EDIL3: variants seen among roughly 807,000 people sequenced by gnomAD.
The protein encoded by EDIL3 is EGF-like repeat and discoidin I-like domain-containing protein 3.
EDIL3 carries 37 observed loss-of-function variants against 67.4 expected under a neutral mutation model. The observed-to-expected ratio is 0.55, with a 90% CI of 0.42 to 0.72. The LOEUF (loss-of-function observed/expected upper bound fraction) is 0.72, where lower values mean the gene tolerates loss of function less well. EDIL3 is among the 30% of genes least tolerant of loss of function. EDIL3 has a pLI of 0.00. For missense variants in EDIL3, 527 were observed against 586.3 expected (o/e 0.90, Z 1.04); for synonymous variants, 195 against 196.3 (o/e 0.99, Z 0.05).
chr5:84,069,732 C>T (rs1037644381), intron 6 of EDIL3, among the ~76,000 whole-genome samples: 23 of 152,068 alleles, frequency 1.5e-4, no homozygotes, highest in Admixed American at 5.2e-4. Flanking sequence ...CCCTGGCGAG[C>T]GTTCCACCCT....
intron 9 of EDIL3, among the ~76,000 whole-genome samples, chr5:83,967,981 A>G (rs536496444): frequency 6.6e-6 from 1 of 152,202 alleles, no homozygotes; most frequent in East Asian, 1.9e-4. Flanking sequence ...AACGGAAATG[A>G]CTTTGAAGCT....
chr5:84,178,650 G>A (rs1026345760), intron 4 of EDIL3, among the ~76,000 whole-genome samples: 3 of 152,122 alleles, frequency 2.0e-5, no homozygotes, highest in Non-Finnish European at 1.5e-5. Context: ...AAATCACAGA[G>A]AGATCAAATG....
intron 6 of EDIL3, among the ~76,000 whole-genome samples, chr5:84,099,277 A>T (rs1165073120): frequency 6.6e-6 from 1 of 152,134 alleles, no homozygotes; most frequent in Non-Finnish European, 1.5e-5. Context: ...AACCAAAAAA[A>T]GCCTGTATAG....
chr5:84,283,842 A>G (rs750323447), intron 1 of EDIL3, among the ~76,000 whole-genome samples: 4 of 152,140 alleles, frequency 2.6e-5, no homozygotes, highest in Non-Finnish European at 4.4e-5. Context: ...CAAGTTTACT[A>G]TGTTCAAAAT....
At chr5:83,979,710 T>C (rs771856369) in intron 9 of EDIL3, among the ~76,000 whole-genome samples, 6 of 152,124 alleles carry the variant, frequency 3.9e-5, no homozygotes, top group Admixed American at 6.6e-5. Flanking sequence ...GGTAGCTGCA[T>C]AGACATTGCC....
chr5:84,288,411 TA>T (rs1006376906), intron 1 of EDIL3, among the ~76,000 whole-genome samples: 1 of 152,114 alleles, frequency 6.6e-6, no homozygotes, highest in African/African-American at 2.4e-5. Flanking sequence ...GTGATTTTGT[TA>T]AAAAATGTCA....
chr5:84,055,474 A>C (rs1014455121), intron 9 of EDIL3, among the ~76,000 whole-genome samples: 5 of 149,258 alleles, frequency 3.3e-5, no homozygotes, highest in Admixed American at 6.6e-5. Flanking sequence ...TAATTAAACT[A>C]AAGAGCTTCT....
At chr5:84,047,635 A>G (rs1746247163) in intron 9 of EDIL3, 1 of 152,030 alleles carries the variant, frequency 6.6e-6, no homozygotes. Flanking sequence ...TAGACACCAG[A>G]ATTTTACTTG....
chr5:84,149,161 T>C (rs1224388610), intron 4 of EDIL3, among the ~76,000 whole-genome samples: 1 of 151,866 alleles, frequency 6.6e-6, no homozygotes, highest in Non-Finnish European at 1.5e-5. Flanking sequence ...GGCTAGTGTT[T>C]GTAGAACAGA....
chr5:84,008,191 T>C (rs1745459907), intron 9 of EDIL3, among the ~76,000 whole-genome samples: 1 of 151,918 alleles, frequency 6.6e-6, no homozygotes, highest in Non-Finnish European at 1.5e-5. Flanking sequence ...AACATATGGT[T>C]AGAAAGAAGA....
At chr5:84,064,586 C>G in intron 8 of EDIL3, 114 bp downstream of exon 8, 1 of 1,343,818 alleles carries the variant, frequency 7.4e-7, no homozygotes, top group Non-Finnish European at 9.9e-7. Flanking sequence ...AGACATTTTT[C>G]CCCAGAAAAA....
At chr5:84,310,170 T>C (rs1051521872) in intron 1 of EDIL3, among the ~76,000 whole-genome samples, 6 of 146,364 alleles carry the variant, frequency 4.1e-5, no homozygotes, top group African/African-American at 1.5e-4. Flanking sequence ...TAACTGAACC[T>C]TGAAATCTAC....
At chr5:83,956,415 A>G (rs1173462719) in intron 10 of EDIL3, among the ~76,000 whole-genome samples, 2 of 151,710 alleles carry the variant, frequency 1.3e-5, no homozygotes, top group Non-Finnish European at 2.9e-5. Flanking sequence ...ACTGATTCTG[A>G]TAAGTGGGTC....
At chr5:84,363,523 CAA>C (rs1252459651) in intron 1 of EDIL3, among the ~76,000 whole-genome samples, 2 of 150,206 alleles carry the variant, frequency 1.3e-5, no homozygotes, top group Admixed American at 6.6e-5. Flanking sequence ...TTTTTAGAAA[CAA>C]AGTCAAACAT....
At chr5:84,384,225 A>G in intron 1 of EDIL3, 83 bp downstream of exon 1, 1 of 1,494,182 alleles carries the variant, frequency 6.7e-7, no homozygotes, top group Non-Finnish European at 9.0e-7. Flanking sequence ...CGCCGGAGGG[A>G]CCGCCTCCGG....
chr5:84,317,498 A>T (rs1285944549), intron 1 of EDIL3, among the ~76,000 whole-genome samples: 1 of 152,226 alleles, frequency 6.6e-6, no homozygotes, highest in Non-Finnish European at 1.5e-5. Flanking sequence ...ATCTAGAAGA[A>T]ATGGATAAAT....
intron 1 of EDIL3, among the ~76,000 whole-genome samples, chr5:84,344,266 T>C (rs1747191768): frequency 6.6e-6 from 1 of 152,160 alleles, no homozygotes; most frequent in African/African-American, 2.4e-5. Context: ...CCTTTTCATG[T>C]ATTTTATTAT....
intron 5 of EDIL3, among the ~76,000 whole-genome samples, chr5:84,133,464 C>CA (rs5869210): frequency 0.035 from 2,990 of 86,504 alleles, 89 homozygotes; most frequent in African/African-American, 0.09. Context: ...ACTAAAAATA[C>CA]AAAAAAAAAA....
At chr5:84,172,607 A>C (rs1365303014) in intron 4 of EDIL3, among the ~76,000 whole-genome samples, 2 of 147,136 alleles carry the variant, frequency 1.4e-5, no homozygotes, top group African/African-American at 5.4e-5. Flanking sequence ...CAACAACAAC[A>C]ACAAAAAAAT....
Sources: gnomAD v4.1 joint callset for allele counts (sites outside exome capture counted in the v4.1 genomes callset) on GRCh38, gnomAD v4.1.1 for gene constraint, MANE v1.5 for transcripts, NCBI Gene and HGNC (gene_info 2026-07-23, HGNC 2026-07-21) for gene names.